ZNF704: variants seen among roughly 807,000 people sequenced by gnomAD.
ZNF704 encodes the protein glucocorticoid induced gene 1.
In ZNF704, 10 loss-of-function variants were observed where a neutral mutation model predicts 44.7. The ratio of observed to expected loss-of-function variants is 0.22; its 90% CI spans 0.14 to 0.38. The LOEUF is 0.38. Among genes scored for constraint, ZNF704 ranks in the 10% least tolerant of loss-of-function variants. ZNF704 has a pLI of 1.00. For missense variants in ZNF704, 390 were observed against 545.5 expected, an observed-to-expected ratio of 0.71 and a Z score of 2.84; for synonymous variants, 211 against 207.6, an observed-to-expected ratio of 1.02 and a Z score of -0.14.
intron 7 of ZNF704, among the ~76,000 whole-genome samples, chr8:80,648,555 T>C (rs897138621): frequency 6.6e-6 from 1 of 152,204 alleles, no homozygotes; most frequent in African/African-American, 2.4e-5. Flanking sequence ...TATTATCTCT[T>C]TTAATTCTCA....
chr8:80,739,685 G>T (rs1189216594), intron 2 of ZNF704, among the ~76,000 whole-genome samples: 1 of 152,140 alleles, frequency 6.6e-6, no homozygotes, highest in African/African-American at 2.4e-5. Flanking sequence ...CAGGGAAAAA[G>T]AAAATGACTT....
chr8:80,725,961 C>G (rs1244898278), intron 2 of ZNF704, among the ~76,000 whole-genome samples: 2 of 152,042 alleles, frequency 1.3e-5, no homozygotes, highest in African/African-American at 2.4e-5. Flanking sequence ...GTGAGTAACA[C>G]ACATTAAATC....
At chr8:80,825,828 T>G (rs1190414876) in intron 1 of ZNF704, among the ~76,000 whole-genome samples, 1 of 152,164 alleles carries the variant, frequency 6.6e-6, no homozygotes, top group Non-Finnish European at 1.5e-5. Flanking sequence ...GAATGACTAC[T>G]GGGTACATCA....
intron 2 of ZNF704, among the ~76,000 whole-genome samples, chr8:80,712,571 T>C (rs925918675): frequency 6.6e-6 from 1 of 152,152 alleles, no homozygotes; most frequent in Admixed American, 6.5e-5. Context: ...TTATAAATGT[T>C]CTGGAGCAGG....
intron 7 of ZNF704, 52 bp from the exon 8 acceptor site, chr8:80,643,181 A>C: frequency 2.1e-6 from 3 of 1,412,606 alleles, no homozygotes; most frequent in Non-Finnish European, 2.9e-6. Context: ...CCACCCATGC[A>C]GTTAGTTAAC....
intron 7 of ZNF704, among the ~76,000 whole-genome samples, chr8:80,645,463 T>C (rs1011593346): frequency 5.9e-5 from 9 of 152,146 alleles, no homozygotes; most frequent in African/African-American, 2.2e-4. Context: ...TCTGCCTGAA[T>C]TTCATGTTGA....
chr8:80,729,798 A>G (rs1282262766), intron 2 of ZNF704, among the ~76,000 whole-genome samples: 1 of 152,156 alleles, frequency 6.6e-6, no homozygotes, highest in Non-Finnish European at 1.5e-5. Flanking sequence ...GACAGAATCT[A>G]TTTTCCTGAG....
intron 2 of ZNF704, among the ~76,000 whole-genome samples, chr8:80,698,953 G>A (rs1818768194): frequency 6.6e-6 from 1 of 152,136 alleles, no homozygotes; most frequent in South Asian, 2.1e-4. Flanking sequence ...AGCTAAGGGA[G>A]AGATGTTTTA....
intron 2 of ZNF704, among the ~76,000 whole-genome samples, chr8:80,809,668 C>T (rs879649004): frequency 1.3e-5 from 2 of 152,134 alleles, no homozygotes; most frequent in Non-Finnish European, 2.9e-5. Context: ...AAACAAAATA[C>T]GATAAAATAG....
chr8:80,879,772 C>T (rs10097741), upstream of ZNF704, among the ~76,000 whole-genome samples: 163 of 152,280 alleles, frequency 1.1e-3, no homozygotes, highest in African/African-American at 3.7e-3. Context: ...TTTCCACAAA[C>T]TGATAATTGT....
intron 2 of ZNF704, among the ~76,000 whole-genome samples, chr8:80,809,549 A>C (rs1193341859): frequency 6.6e-6 from 1 of 152,188 alleles, no homozygotes. Flanking sequence ...AGCAGGAGAG[A>C]GCAACAAAAG....
At position 80,687,223 on chromosome 8, in the gene ZNF704, A is replaced by C. The variant is rs1818552926; in HGVS notation, c.558+3T>G. 5.0e-6 allele frequency: 8 copies of C among 1,609,030 alleles called. No individual in the cohort carries two copies. Among genetic ancestry groups the C allele is most frequent in the African/African-American group, 1.3e-5 (1 of 74,990 alleles). On this transcript the variant is annotated splice_donor_region_variant and intron_variant, in intron 4 of 8. Transcript: ENST00000327835. ...GCAGAAGACCGCGTGGCTGACCACC[A>C]ACCTTTCTTTTCCTGGGAATGGGCT...
intron 1 of ZNF704, among the ~76,000 whole-genome samples, chr8:80,842,922 G>C (rs1808705658): frequency 6.6e-6 from 1 of 152,144 alleles, no homozygotes; most frequent in Admixed American, 6.6e-5. Flanking sequence ...ATCCATGCTT[G>C]GATCTTCTTC....
At chr8:80,866,110 A>G (rs1459809657) in intron 1 of ZNF704, among the ~76,000 whole-genome samples, 1 of 152,210 alleles carries the variant, frequency 6.6e-6, no homozygotes, top group Non-Finnish European at 1.5e-5. Context: ...CTATTCAGGA[A>G]TCACCTCCTG....
chr8:80,686,595 G>C (rs1486614820), intron 4 of ZNF704, among the ~76,000 whole-genome samples: 1 of 151,742 alleles, frequency 6.6e-6, no homozygotes, highest in Non-Finnish European at 1.5e-5. Context: ...GTCTTGCTAT[G>C]TTGCACAGGC....
chr8:80,666,792 G>A (rs1189886469), intron 5 of ZNF704, among the ~76,000 whole-genome samples: 4 of 148,496 alleles, frequency 2.7e-5, no homozygotes, highest in South Asian at 2.2e-4. Flanking sequence ...CATGTCCTTC[G>A]CCCACTTTTT....
At chr8:80,666,723 G>A (rs1017607810) in intron 5 of ZNF704, among the ~76,000 whole-genome samples, 1 of 151,310 alleles carries the variant, frequency 6.6e-6, no homozygotes, top group African/African-American at 2.4e-5. Context: ...CAGTGATGAT[G>A]AGCATTTTTT....
intron 2 of ZNF704, among the ~76,000 whole-genome samples, chr8:80,771,474 T>C (rs1807318865): frequency 6.6e-6 from 1 of 152,170 alleles, no homozygotes; most frequent in Admixed American, 6.5e-5. Flanking sequence ...TAAATGATAC[T>C]GTATTTTAAA....
At chr8:80,859,302 G>A (rs1809019159) in intron 1 of ZNF704, among the ~76,000 whole-genome samples, 1 of 152,186 alleles carries the variant, frequency 6.6e-6, no homozygotes, top group Non-Finnish European at 1.5e-5. Context: ...GACTCAAAAA[G>A]CCACTACTTT....
Sources: gnomAD v4.1 joint callset for allele counts (sites outside exome capture counted in the v4.1 genomes callset) on GRCh38, gnomAD v4.1.1 for gene constraint, MANE v1.5 for transcripts, NCBI Gene and HGNC (gene_info 2026-07-23, HGNC 2026-07-21) for gene names.